The following TIGD4 variants were observed in gnomAD, a reference collection of about 807,000 sequenced individuals.
The protein encoded by TIGD4 is tigger transposable element-derived protein 4.
TIGD4 carries 20 observed loss-of-function variants against 24.9 expected under a neutral mutation model. The ratio of observed to expected loss-of-function variants is 0.80; its 90% CI spans 0.56 to 1.17. TIGD4 has a LOEUF of 1.17. Ranked by LOEUF, TIGD4 falls within the 50% of genes most tolerant of loss-of-function variation. TIGD4 has a pLI of 0.00. For synonymous variants in TIGD4, 193 were observed against 211.0 expected (o/e 0.91, Z 0.74); for missense variants, 566 against 591.0 (o/e 0.96, Z 0.44).
At position 152,770,378 on chromosome 4, in the gene TIGD4, T is replaced by A. The variant is rs1318310117; in HGVS notation, c.627A>T (p.Leu209Phe). 1.2e-6 allele frequency: 2 copies of A among 1,614,176 alleles called. No homozygotes were observed. ...CCACCAGAGTTATTCTGTCTTTGCA[T>A]AACTTTCCAACTGAACATGTTTCGC... ...FKGETCSVGK[L>F]CKDRITLVVG... The change falls in exon 2 of 2, where the codon TTA becomes TTT. Residue 209 changes from leucine to phenylalanine, a missense_variant. Leu to Phe is a conservative substitution (Grantham distance 22, BLOSUM62 0). Coordinates refer to ENST00000304337, the MANE Select transcript of TIGD4 (RefSeq NM_145720.4).
Position 152,770,666 on chromosome 4 carries a change from T to A in TIGD4, c.339A>T (p.Lys113Asn). 6.2e-7 allele frequency: 1 copy of A among 1,608,524 alleles called. No individual in the cohort carries two copies. Among genetic ancestry groups the A allele is most frequent in the Non-Finnish European group, 8.5e-7 (1 of 1,178,476 alleles). Residue 113 changes from lysine to asparagine, a missense_variant, in exon 2 of 2, where the codon AAA becomes AAT. Transcript: ENST00000304337. ...VPVNGPMLRL[K>N]ANDFAQKLGH... The stretch of plus-strand genomic sequence containing the variant: ...CCAGTTTCTGGGCAAAATCATTAGC[T>A]TTTAGACGTAACATCGGACCATTAA...
chr4:152,770,447 C>T lies in TIGD4; in HGVS notation c.558G>A (p.Gly186=), dbSNP rs1730147169. Residue 186 remains glycine, a synonymous_variant, in exon 2 of 2, where the codon GGG becomes GGA. Coordinates refer to ENST00000304337, the MANE Select transcript of TIGD4 (RefSeq NM_145720.4). ...PKNVFNIKET[G]LLYRMLPTNT... ...TGGTAGGTAACATTCGATAAAGCAG[C>T]CCAGTCTCTTTTATATTAAAAACAT... is the stretch of plus-strand genomic sequence containing the variant. 1 of 1,610,674 alleles carries T rather than the reference C, an allele frequency of 6.2e-7. No individual in the cohort carries two copies.
At chr4:152,777,774 C>A (rs1423064293) in intron 1 of TIGD4, among the ~76,000 whole-genome samples, 1 of 152,016 alleles carries the variant, frequency 6.6e-6, no homozygotes, top group African/African-American at 2.4e-5. Flanking sequence ...TCAGTTAGTA[C>A]CAAAAATATT....
chr4:152,778,792 G>A (rs1386213957), intron 1 of TIGD4, among the ~76,000 whole-genome samples: 1 of 152,188 alleles, frequency 6.6e-6, no homozygotes, highest in Non-Finnish European at 1.5e-5. Flanking sequence ...GTAGAGCTCT[G>A]CCTTTGGGCA....
rs1191075630 is a variant in TIGD4, at chr4:152,770,954, T to C, written c.51A>G (p.Lys17=). Residue 17 remains lysine, a synonymous_variant, in exon 2 of 2, where the codon AAA becomes AAG. Coordinates refer to ENST00000304337, the MANE Select transcript of TIGD4 (RefSeq NM_145720.4). The part of the protein sequence containing the change: ...DASTLPVTVK[K]KKSLSIEEKI... ...TTTCCTCAATGGATAGGCTTTTCTT[T>C]TTCTTCACTGTTACAGGCAGAGTTG... 9 of 1,612,650 alleles carry C rather than the reference T, an allele frequency of 5.6e-6. No individual in the cohort carries two copies. The Middle Eastern group carries it at 5.0e-4, about 89-fold the overall frequency.
At chr4:152,777,115 T>C (rs1730272076) in intron 1 of TIGD4, among the ~76,000 whole-genome samples, 1 of 151,608 alleles carries the variant, frequency 6.6e-6, no homozygotes, top group Admixed American at 6.6e-5. Flanking sequence ...TATACCTATC[T>C]CTATTAGTTG....
At position 152,770,303 on chromosome 4, in the gene TIGD4, T is replaced by C. The variant is rs770976900; in HGVS notation, c.702A>G (p.Gly234=). 4.0e-5 allele frequency: 65 copies of C among 1,613,886 alleles called. No homozygotes were observed. The highest frequency in any genetic ancestry group is 4.8e-5 in the Non-Finnish European group (57 of 1,179,950). ...TGAAACAATGTGGAGTTCTCTTTTT[T>C]CCAATGACAAGCAAAGGAAGTTTCT... is the stretch of plus-strand genomic sequence containing the variant. ...GSEKLPLLVI[G]KKRTPHCFKG... Residue 234 remains glycine, a synonymous_variant, in exon 2 of 2, where the codon GGA becomes GGG. Coordinates refer to ENST00000304337, the MANE Select transcript of TIGD4 (RefSeq NM_145720.4).
intron 1 of TIGD4, among the ~76,000 whole-genome samples, chr4:152,773,831 A>G (rs1423605592): frequency 3.3e-5 from 5 of 152,112 alleles, no homozygotes; most frequent in Non-Finnish European, 7.3e-5. Flanking sequence ...ATTTTCCTAC[A>G]ATTTCCTATA....
rs780922345 is a variant in TIGD4, at chr4:152,769,967, T to C, written c.1038A>G (p.Lys346=). 6.2e-7 allele frequency: 1 copy of C among 1,612,668 alleles called. No individual in the cohort carries two copies. The highest frequency in any genetic ancestry group is 1.7e-5 in the Admixed American group (1 of 59,952). ...CATCTAGTAGTGAAAATGTAAATTC[T>C]TTGCTACCTTCAACAGAGCTTAAAA... ...KKFLSSVEGS[K]EFTFSLLDAV... The change falls in exon 2 of 2, where the codon AAA becomes AAG. Residue 346 remains lysine (K), a synonymous_variant. Coordinates refer to ENST00000304337, the MANE Select transcript of TIGD4 (RefSeq NM_145720.4).
rs1730115030 is a variant in TIGD4, at chr4:152,769,411, T to C, written c.*55A>G. 6 of 1,267,124 alleles carry C rather than the reference T, an allele frequency of 4.7e-6. No homozygotes were observed. In the South Asian group the frequency reaches 1.1e-4, roughly 22 times the overall value. The allele number at this position is 1,267,124 out of a possible 1,614,324, so 78.5% of individuals were successfully genotyped here. A position where few individuals can be genotyped will look rare whatever the true frequency, so the allele number is the denominator to read the frequency against. On this transcript the variant is annotated 3_prime_UTR_variant, in exon 2 of 2. Transcript: ENST00000304337. ...TGTGGTACAACTCCTTTACATACCT[T>C]ATATAATAAAATGTATCAGGAAAAG...
chr4:152,769,664 A>G lies in TIGD4; in HGVS notation c.1341T>C (p.Asp447=). The part of the protein sequence containing the change: ...DSICTKESKS[D]ETGFYTSDEE... The stretch of plus-strand genomic sequence containing the variant: ...CATCAGAAGTGTAAAATCCAGTTTC[A>G]TCCGATTTACTTTCTTTGGTGCATA... The change falls in exon 2 of 2, where the codon GAT becomes GAC. Residue 447 remains aspartate (D), a synonymous_variant. Transcript: ENST00000304337. 6.2e-7 allele frequency: 1 copy of G among 1,613,196 alleles called. No homozygotes were observed. The highest frequency in any genetic ancestry group is 2.2e-5 in the East Asian group (1 of 44,878).
Position 152,769,886 on chromosome 4 carries a change from TTTAACAATAGTCTC to T in TIGD4, c.1105_1118del (p.Glu369LysfsTer3). 1 of 1,613,620 alleles carries T rather than the reference TTTAACAATAGTCTC, an allele frequency of 6.2e-7. No individual in the cohort carries two copies. Among genetic ancestry groups the T allele is most frequent in the South Asian group, 1.1e-5 (1 of 91,034 alleles). ...ATTTGAATCCTGCCTCTTCATAGCT[TTTAACAATAGTCTC>T]TGGGGTTACAGCCCTCCAGCAAAGA... On this transcript the variant is annotated frameshift_variant, in exon 2 of 2. Coordinates refer to ENST00000304337, the MANE Select transcript of TIGD4 (RefSeq NM_145720.4). LOFTEE classifies it low-confidence loss of function (END_TRUNC).
intron 1 of TIGD4, among the ~76,000 whole-genome samples, chr4:152,772,042 A>G (rs1730185148): frequency 6.6e-6 from 1 of 152,216 alleles, no homozygotes; most frequent in Admixed American, 6.5e-5. Flanking sequence ...TGACAATTCT[A>G]TTTAAAAAAA....
chr4:152,774,890 G>A (rs980262324), intron 1 of TIGD4, among the ~76,000 whole-genome samples: 2 of 151,070 alleles, frequency 1.3e-5, no homozygotes, highest in Non-Finnish European at 2.9e-5. Context: ...TGTGTATAAC[G>A]TTTTATCTAG....
Position 152,770,331 on chromosome 4 carries a change from G to C in TIGD4, c.674C>G (p.Ser225Ter). 3.1e-6 allele frequency: 5 copies of C among 1,614,060 alleles called. No individual in the cohort carries two copies. Among genetic ancestry groups the C allele is most frequent in the Non-Finnish European group, 4.2e-6 (5 of 1,179,960 alleles). ...AATGACAAGCAAAGGAAGTTTCTCT[G>C]AGCCATCCATGTTTGTGCCAACCAC... ...TLVVGTNMDG[S>*]EKLPLLVIGK... is the part of the protein sequence containing the mutation. Residue 225 changes from serine to a stop codon, truncating the protein, a stop_gained, in exon 2 of 2, where the codon TCA (serine) becomes TGA (stop). Transcript: ENST00000304337. LOFTEE classifies it high-confidence loss of function.
At chr4:152,777,678 A>G (rs1240408099) in intron 1 of TIGD4, among the ~76,000 whole-genome samples, 1 of 144,210 alleles carries the variant, frequency 6.9e-6, no homozygotes, top group African/African-American at 2.6e-5. Flanking sequence ...AAAGAAAAAG[A>G]GGAAGGAGGG....
chr4:152,769,729 C>G lies in TIGD4; in HGVS notation c.1276G>C (p.Asp426His). 6.2e-7 allele frequency: 1 copy of G among 1,613,954 alleles called. No homozygotes were observed. Residue 426 changes from aspartate (D) to histidine (H), a missense_variant, in exon 2 of 2, where the codon GAT becomes CAT. By Grantham distance (81) the Asp-to-His change is moderately conservative (BLOSUM62 -1). Coordinates refer to ENST00000304337, the MANE Select transcript of TIGD4 (RefSeq NM_145720.4). ...SIEEYAALDD[D>H]LETCEAAPNG... ...GGTGCTGCTTCACATGTCTCCAAAT[C>G]ATCATCCAGGGCAGCATATTCTTCT...
intron 1 of TIGD4, among the ~76,000 whole-genome samples, chr4:152,775,084 T>A (rs903927329): frequency 6.6e-6 from 1 of 151,954 alleles, no homozygotes; most frequent in African/African-American, 2.4e-5. Flanking sequence ...TCTGGCTAAT[T>A]TTTTGTATTT....
At chr4:152,779,228 C>T (rs945165197) in intron 1 of TIGD4, among the ~76,000 whole-genome samples, 14 of 152,062 alleles carry the variant, frequency 9.2e-5, no homozygotes, top group Non-Finnish European at 1.8e-4. Context: ...GCTCGGTCAT[C>T]CGGAAAAAGA....
Sources: gnomAD v4.1 joint callset for allele counts (sites outside exome capture counted in the v4.1 genomes callset) on GRCh38, gnomAD v4.1.1 for gene constraint, MANE v1.5 for transcripts, NCBI Gene and HGNC (gene_info 2026-07-23, HGNC 2026-07-21) for gene names.